Variants in TTLL7 observed in about 807,000 individuals in gnomAD.
TTLL7 encodes tubulin polyglutamylase TTLL7.
TTLL7 carries 53 observed loss-of-function variants against 120.2 expected under a neutral mutation model. The observed-to-expected ratio is 0.44, with a 90% confidence interval of 0.35 to 0.55. The LOEUF (loss-of-function observed/expected upper bound fraction) is 0.55. Ranked by LOEUF, TTLL7 falls within the 20% of genes least tolerant of loss-of-function variation. The pLI, the probability that TTLL7 is intolerant of heterozygous loss-of-function variation, is 0.00. For missense variants in TTLL7, 803 were observed against 1,054.7 expected, an observed-to-expected ratio of 0.76 and a Z score of 3.31; for synonymous variants, 353 against 351.7, an observed-to-expected ratio of 1.00 and a Z score of -0.04.
rs1261287551 is a variant in TTLL7, at chr1:83,865,045, T to C, written c.*4917A>G. On this transcript the variant is annotated 3_prime_UTR_variant, in exon 21 of 21. Coordinates refer to ENST00000260505, the MANE Select transcript of TTLL7 (RefSeq NM_024686.6). ...ATTGTAGCTTTCTTAGGTTAAACTT[T>C]TTTATTATAGTAATGTATCAGAGTA... is the stretch of plus-strand genomic sequence containing the variant. 6.6e-6 allele frequency: 1 copy of C among 151,656 alleles called. No individual in the cohort carries two copies. Among genetic ancestry groups the C allele is most frequent in the African/African-American group, 2.4e-5 (1 of 41,312 alleles). 9.4% of individuals were successfully genotyped at this position (151,656 alleles called of 1,614,324 possible).
intron 19 of TTLL7, 21 bp downstream of exon 19, chr1:83,890,300 A>C (rs1284568930): frequency 1.3e-6 from 2 of 1,578,410 alleles, no homozygotes; most frequent in Non-Finnish European, 1.7e-6. Flanking sequence ...TGACGATAAT[A>C]AAAGATGACT....
intron 20 of TTLL7, among the ~76,000 whole-genome samples, chr1:83,881,830 A>T (rs1654513139): frequency 1.3e-5 from 2 of 150,032 alleles, no homozygotes; most frequent in Non-Finnish European, 3.0e-5. Flanking sequence ...AAAGACTTGG[A>T]ACCAACCCAA....
At chr1:83,923,280 C>A (rs1658833144) in intron 10 of TTLL7, among the ~76,000 whole-genome samples, 2 of 148,556 alleles carry the variant, frequency 1.3e-5, no homozygotes. Flanking sequence ...ATATAGCATT[C>A]AGTTTAAAAG....
intron 1 of TTLL7, among the ~76,000 whole-genome samples, chr1:83,956,257 T>TTTATTA (rs942736635): frequency 6.7e-6 from 1 of 150,372 alleles, no homozygotes; most frequent in African/African-American, 2.4e-5. Context: ...ACAACAGGCT[T>TTTATTA]TTATTATTAT....
intron 18 of TTLL7, among the ~76,000 whole-genome samples, chr1:83,899,911 C>T (rs180794112): frequency 6.6e-6 from 1 of 151,898 alleles, no homozygotes; most frequent in Non-Finnish European, 1.5e-5. Context: ...ATAGTTCACA[C>T]CAAATATTCT....
rs767894365 is a variant in TTLL7, at chr1:83,921,072, T to C, written c.1364+15A>G. ...TTCATTTTTTCAATCTATACAAAAA[T>C]AGCAGCACAGTTACCTATAATTCCC... On this transcript the variant is annotated intron_variant, in intron 12 of 20. Coordinates refer to ENST00000260505, the MANE Select transcript of TTLL7 (RefSeq NM_024686.6). 2 of 1,605,484 alleles carry C rather than the reference T, an allele frequency of 1.2e-6. No individual in the cohort carries two copies. Among genetic ancestry groups the C allele is most frequent in the Admixed American group, 3.4e-5 (2 of 58,352 alleles).
intron 3 of TTLL7, among the ~76,000 whole-genome samples, chr1:83,950,309 G>T (rs1472654621): frequency 6.6e-6 from 1 of 152,066 alleles, no homozygotes; most frequent in South Asian, 2.1e-4. Flanking sequence ...CGTCTACTCA[G>T]GAAAATGTAC....
chr1:83,979,697 A>G (rs1651790858), intron 1 of TTLL7: 1 of 152,242 alleles, frequency 6.6e-6, no homozygotes, highest in Non-Finnish European at 1.5e-5. Context: ...GATCAAAGAT[A>G]GCTTGGAAGT....
At chr1:83,890,584 A>G in intron 18 of TTLL7, 103 bp from the exon 19 acceptor site, 3 of 872,112 alleles carry the variant, frequency 3.4e-6, no homozygotes, top group Non-Finnish European at 5.2e-6. Flanking sequence ...CCTGGGCAAT[A>G]TAGTGAGAAC....
intron 18 of TTLL7, among the ~76,000 whole-genome samples, chr1:83,895,805 G>A (rs1285405503): frequency 1.3e-5 from 2 of 152,054 alleles, no homozygotes; most frequent in Admixed American, 1.3e-4. Flanking sequence ...CAAAAGCCTA[G>A]AGAGAACCCC....
chr1:83,875,992 C>T (rs1653895750), intron 20 of TTLL7, among the ~76,000 whole-genome samples: 1 of 151,786 alleles, frequency 6.6e-6, no homozygotes. Flanking sequence ...TCTTTGCATA[C>T]CTCAAGGTCA....
intron 1 of TTLL7, among the ~76,000 whole-genome samples, chr1:83,998,498 G>A (rs186840639): frequency 1.3e-5 from 2 of 152,340 alleles, no homozygotes; most frequent in Admixed American, 6.5e-5. Flanking sequence ...GACTTCACTC[G>A]CATGTGCGAA....
chr1:83,919,704 T>C lies in TTLL7; in HGVS notation c.1495A>G (p.Met499Val). The change falls in exon 13 of 21, where the codon ATG becomes GTG. Residue 499 changes from methionine (M) to valine (V), a missense_variant. Transcript: ENST00000260505. ...ATAAACATTCATTCTCTTACCTTCA[T>C]CCTTTTCAAAGGATTATTCAACTCT... is the stretch of plus-strand genomic sequence containing the variant. ...QRELNNPLKR[M>V]KEEDILDLLE... 7.4e-6 allele frequency: 12 copies of C among 1,611,502 alleles called. No homozygotes were observed. Among genetic ancestry groups the C allele is most frequent in the Non-Finnish European group, 9.3e-6 (11 of 1,178,924 alleles).
chr1:83,903,614 A>G (rs1034974896), intron 18 of TTLL7, among the ~76,000 whole-genome samples: 3 of 152,066 alleles, frequency 2.0e-5, no homozygotes, highest in African/African-American at 7.2e-5. Context: ...ACTTATAATT[A>G]CTTATAATAT....
At chr1:83,913,832 G>A (rs1230922106) in intron 14 of TTLL7, among the ~76,000 whole-genome samples, 2 of 151,920 alleles carry the variant, frequency 1.3e-5, no homozygotes, top group African/African-American at 4.8e-5. Context: ...TGGATGACAA[G>A]CCTTATATAA....
chr1:83,970,622 T>C (rs1650886203), intron 1 of TTLL7, among the ~76,000 whole-genome samples: 1 of 152,108 alleles, frequency 6.6e-6, no homozygotes, highest in African/African-American at 2.4e-5. Flanking sequence ...AAAAGATAAT[T>C]GCTAATTAAG....
chr1:83,947,084 T>C (rs1463649188), intron 6 of TTLL7, 40 bp downstream of exon 6: 2 of 1,523,910 alleles, frequency 1.3e-6, no homozygotes, highest in Non-Finnish European at 1.8e-6. Context: ...CTCCCAAATT[T>C]TTTTTTATTT....
chr1:83,938,513 C>T (rs1486758030), intron 7 of TTLL7, among the ~76,000 whole-genome samples: 1 of 152,116 alleles, frequency 6.6e-6, no homozygotes. Context: ...CAAACACAAC[C>T]TCTGCACACC....
At chr1:83,964,451 CAGAGT>C (rs1650273091) in intron 1 of TTLL7, among the ~76,000 whole-genome samples, 1 of 152,064 alleles carries the variant, frequency 6.6e-6, no homozygotes, top group African/African-American at 2.4e-5. Context: ...TCCCTTCTCA[CAGAGT>C]AAACACTGTA....
Sources: gnomAD v4.1 joint callset for allele counts (sites outside exome capture counted in the v4.1 genomes callset) on GRCh38, gnomAD v4.1.1 for gene constraint, MANE v1.5 for transcripts, NCBI Gene and HGNC (gene_info 2026-07-23, HGNC 2026-07-21) for gene names.